BABAM2: variants seen among roughly 807,000 people sequenced by gnomAD.
The protein encoded by BABAM2 is BRISC and BRCA1 A complex member 2.
Under a neutral mutation model 54.7 loss-of-function variants are expected in BABAM2, and 31 were observed. The observed-to-expected ratio is 0.57, with a 90% confidence interval of 0.43 to 0.77. The LOEUF (loss-of-function observed/expected upper bound fraction) is 0.77, where lower values mean the gene tolerates loss of function less well. BABAM2 is among the 30% of genes least tolerant of loss of function. BABAM2 has a pLI of 0.00. For missense variants in BABAM2, 364 were observed against 455.8 expected (o/e 0.80, Z 1.83); for synonymous variants, 167 against 162.9 (o/e 1.03, Z -0.19).
At chr2:28,318,417 T>C (rs1403330020) in intron 11 of BABAM2, among the ~76,000 whole-genome samples, 2 of 152,242 alleles carry the variant, frequency 1.3e-5, no homozygotes, top group Non-Finnish European at 2.9e-5. Context: ...AATACAGGTA[T>C]GGTCTTGGAA....
intron 3 of BABAM2, among the ~76,000 whole-genome samples, chr2:27,968,781 T>C (rs1307324751): frequency 6.6e-6 from 1 of 152,222 alleles, no homozygotes; most frequent in Non-Finnish European, 1.5e-5. Context: ...TGTACCCTCA[T>C]TTTATCTAGG....
chr2:27,942,728 T>C (rs1289834922), intron 3 of BABAM2, among the ~76,000 whole-genome samples: 1 of 152,044 alleles, frequency 6.6e-6, no homozygotes, highest in Non-Finnish European at 1.5e-5. Context: ...ACCAACCCCA[T>C]CTAAGTGAAA....
At chr2:27,934,878 T>C (rs1431397539) in intron 3 of BABAM2, among the ~76,000 whole-genome samples, 1 of 152,224 alleles carries the variant, frequency 6.6e-6, no homozygotes, top group Non-Finnish European at 1.5e-5. Flanking sequence ...AATTTGAAGC[T>C]AGCAGAAGTT....
chr2:27,957,934 T>C (rs1315409552), intron 3 of BABAM2, among the ~76,000 whole-genome samples: 1 of 152,244 alleles, frequency 6.6e-6, no homozygotes, highest in African/African-American at 2.4e-5. Flanking sequence ...ATATTGAGGT[T>C]GCCATGCTGT....
intron 10 of BABAM2, among the ~76,000 whole-genome samples, chr2:28,287,008 A>G (rs1686878130): frequency 6.6e-6 from 1 of 151,998 alleles, no homozygotes; most frequent in South Asian, 2.1e-4. Context: ...CATACTTCGC[A>G]TTGGGGTAGT....
At chr2:27,935,757 T>G (rs1362484631) in intron 3 of BABAM2, among the ~76,000 whole-genome samples, 2 of 152,192 alleles carry the variant, frequency 1.3e-5, no homozygotes, top group Non-Finnish European at 2.9e-5. Flanking sequence ...GAAATTGCCA[T>G]AGCCATGCCG....
intron 6 of BABAM2, among the ~76,000 whole-genome samples, chr2:28,095,880 A>G (rs1415689374): frequency 6.6e-6 from 1 of 152,214 alleles, no homozygotes; most frequent in Non-Finnish European, 1.5e-5. Flanking sequence ...CAGGCTTGTG[A>G]GCAATCTGAA....
intron 6 of BABAM2, among the ~76,000 whole-genome samples, chr2:28,064,071 G>A (rs1056662858): frequency 1.3e-5 from 2 of 152,108 alleles, no homozygotes; most frequent in Non-Finnish European, 2.9e-5. Flanking sequence ...TGAAGGGTTG[G>A]GATTTCAATG....
intron 7 of BABAM2, among the ~76,000 whole-genome samples, chr2:28,193,063 A>G (rs1220570726): frequency 6.6e-6 from 1 of 151,736 alleles, no homozygotes. Flanking sequence ...AATCCCAGCT[A>G]CTCAGGAGGC....
At chr2:28,331,109 G>T (rs920040865) in intron 11 of BABAM2, among the ~76,000 whole-genome samples, 9 of 152,154 alleles carry the variant, frequency 5.9e-5, no homozygotes, top group African/African-American at 2.2e-4. Flanking sequence ...TGGGAAAACT[G>T]GCTAGCCATA....
At chr2:28,332,787 G>T (rs1042132991) in intron 11 of BABAM2, among the ~76,000 whole-genome samples, 3 of 152,196 alleles carry the variant, frequency 2.0e-5, no homozygotes, top group Non-Finnish European at 4.4e-5. Flanking sequence ...AGGGCTGGAG[G>T]TGCCTCTGGC....
chr2:28,090,829 C>T (rs757581743), intron 6 of BABAM2, among the ~76,000 whole-genome samples: 3 of 152,148 alleles, frequency 2.0e-5, no homozygotes, highest in African/African-American at 4.8e-5. Flanking sequence ...TCCAGATCTG[C>T]CATTTGCTGT....
intron 4 of BABAM2, among the ~76,000 whole-genome samples, chr2:28,001,042 A>C (rs553992517): frequency 8.5e-4 from 130 of 152,294 alleles, no homozygotes; most frequent in Non-Finnish European, 1.7e-3. Flanking sequence ...CCAAGATCTT[A>C]GTGCCAGATG....
intron 11 of BABAM2, among the ~76,000 whole-genome samples, chr2:28,335,156 T>A (rs1242417746): frequency 5.5e-4 from 1 of 1,832 alleles, no homozygotes; most frequent in Non-Finnish European, 3.4e-3. Flanking sequence ...CCCACCTTCT[T>A]TTTTTTTTTT....
At chr2:28,106,353 T>C (rs1667521834) in intron 6 of BABAM2, among the ~76,000 whole-genome samples, 1 of 152,198 alleles carries the variant, frequency 6.6e-6, no homozygotes, top group South Asian at 2.1e-4. Context: ...ACTCCTGAGC[T>C]CAAGCGCTCC....
At chr2:28,286,712 A>G in intron 10 of BABAM2, among the ~76,000 whole-genome samples, 1 of 152,162 alleles carries the variant, frequency 6.6e-6, no homozygotes, top group Admixed American at 6.5e-5. Flanking sequence ...TCGATGGAGT[A>G]TCTTTGCACC....
intron 3 of BABAM2, among the ~76,000 whole-genome samples, chr2:27,940,274 T>C (rs1336785660): frequency 6.6e-6 from 1 of 152,208 alleles, no homozygotes; most frequent in Non-Finnish European, 1.5e-5. Flanking sequence ...TAAACACCTG[T>C]TTGTAAATAT....
intron 11 of BABAM2, among the ~76,000 whole-genome samples, chr2:28,314,240 C>G (rs1689323352): frequency 6.6e-6 from 1 of 152,152 alleles, no homozygotes; most frequent in Admixed American, 6.5e-5. Flanking sequence ...TCGTAACAAC[C>G]TTATGAGCTA....
chr2:28,199,298 A>G (rs1391186292), intron 7 of BABAM2, among the ~76,000 whole-genome samples: 1 of 152,296 alleles, frequency 6.6e-6, no homozygotes, highest in South Asian at 2.1e-4. Flanking sequence ...AACAAGTTGC[A>G]TGTTTTATGT....
Sources: allele counts gnomAD v4.1 joint callset (sites outside exome capture counted in the v4.1 genomes callset), GRCh38; gene constraint gnomAD v4.1.1; transcripts MANE v1.5; gene names NCBI Gene and HGNC (gene_info 2026-07-23, HGNC 2026-07-21).